The following ATXN7L1 variants were observed in gnomAD, a reference collection of about 807,000 sequenced individuals.
ATXN7L1 encodes the protein ataxin-7-like protein 1.
Under a neutral mutation model 70.8 loss-of-function variants are expected in ATXN7L1, and 15 were observed. The observed-to-expected ratio is 0.21, with a 90% CI of 0.14 to 0.33. The LOEUF (loss-of-function observed/expected upper bound fraction) is 0.33. Among genes scored for constraint, ATXN7L1 ranks in the 10% least tolerant of loss-of-function variants. The pLI is 1.00. For synonymous variants in ATXN7L1, 440 were observed against 445.1 expected, an observed-to-expected ratio of 0.99 and a Z score of 0.14; for missense variants, 975 against 1,097.1, an observed-to-expected ratio of 0.89 and a Z score of 1.57.
chr7:105,761,401 C>G, intron 3 of ATXN7L1: 6 of 1,614,176 alleles, frequency 3.7e-6, no homozygotes, highest in Non-Finnish European at 5.1e-6. Context: ...TTCTCTATGG[C>G]TTGGCTGCTC....
intron 3 of ATXN7L1, among the ~76,000 whole-genome samples, chr7:105,782,029 C>T (rs1803606640): frequency 6.6e-6 from 1 of 152,160 alleles, no homozygotes; most frequent in South Asian, 2.1e-4. Flanking sequence ...GATGGGGTTT[C>T]TCCATGTTGC....
At chr7:105,732,094 A>AAAAAC (rs1025451266) in intron 3 of ATXN7L1, among the ~76,000 whole-genome samples, 9 of 152,076 alleles carry the variant, frequency 5.9e-5, no homozygotes, top group East Asian at 1.9e-4. Flanking sequence ...CTCTGTCTCA[A>AAAAAC]AAAACAAAAC....
At position 105,790,598 on chromosome 7, in the gene ATXN7L1, G is replaced by C. The variant is rs144489865; in HGVS notation, c.251-1890C>G. Among the ~76,000 whole-genome samples, 1,215 of 144,154 alleles carry C rather than the reference G, an allele frequency of 8.4e-3. 2 individuals carry two copies. Among genetic ancestry groups the C allele is most frequent in the Non-Finnish European group, 0.012 (793 of 65,816 alleles). The allele number at this position is 144,154 out of a possible 152,430, so 94.6% of individuals were successfully genotyped here. On this transcript the variant is annotated intron_variant, in intron 2 of 11. Transcript: ENST00000419735. ...CCTGTCTCAGAAAGAAAAAGAAAAA[G>C]AAAAAAATTATCTATCTATCTATCT...
intron 3 of ATXN7L1, among the ~76,000 whole-genome samples, chr7:105,712,424 T>C (rs1794042642): frequency 6.6e-6 from 1 of 152,280 alleles, no homozygotes; most frequent in African/African-American, 2.4e-5. Context: ...TTCCAAACTT[T>C]TATGCTCTGC....
intron 3 of ATXN7L1, among the ~76,000 whole-genome samples, chr7:105,700,213 A>C (rs1199741475): frequency 1.3e-5 from 2 of 152,074 alleles, no homozygotes; most frequent in Non-Finnish European, 2.9e-5. Context: ...GTGCTAGAAA[A>C]TGACAAGGGG....
chr7:105,637,335 C>A (rs758310882), intron 7 of ATXN7L1, among the ~76,000 whole-genome samples: 2 of 152,184 alleles, frequency 1.3e-5, no homozygotes, highest in African/African-American at 4.8e-5. Context: ...CCTTCTTTTA[C>A]GACTATGTCC....
At chr7:105,666,193 A>G (rs967455059) in intron 3 of ATXN7L1, among the ~76,000 whole-genome samples, 11 of 152,206 alleles carry the variant, frequency 7.2e-5, no homozygotes, top group Admixed American at 2.6e-4. Context: ...CACCTGCCCA[A>G]AAACTTTGTA....
intron 2 of ATXN7L1, among the ~76,000 whole-genome samples, chr7:105,821,436 C>G (rs1389466892): frequency 6.6e-6 from 1 of 152,218 alleles, no homozygotes; most frequent in African/African-American, 2.4e-5. Context: ...GCTTTAAGAT[C>G]CTGTGCAGTG....
intron 4 of ATXN7L1, among the ~76,000 whole-genome samples, chr7:105,643,531 C>A (rs561972): frequency 0.042 from 6,411 of 152,330 alleles, 220 homozygotes; most frequent in East Asian, 0.21. Flanking sequence ...ACGCCCCCTC[C>A]CCCCGCTGCT....
intron 7 of ATXN7L1, among the ~76,000 whole-genome samples, chr7:105,634,497 A>G (rs958045728): frequency 2.4e-4 from 36 of 152,162 alleles, no homozygotes; most frequent in African/African-American, 8.4e-4. Flanking sequence ...GTAAACTAGT[A>G]TCTGCCTTTC....
chr7:105,667,876 T>C (rs975969626), intron 3 of ATXN7L1, among the ~76,000 whole-genome samples: 7 of 152,178 alleles, frequency 4.6e-5, no homozygotes, highest in Admixed American at 3.9e-4. Flanking sequence ...TAGCAATTTC[T>C]TTTTCGGCAG....
intron 3 of ATXN7L1, among the ~76,000 whole-genome samples, chr7:105,781,413 T>A (rs529698050): frequency 3.3e-5 from 5 of 152,316 alleles, no homozygotes; most frequent in African/African-American, 1.2e-4. Context: ...ATAAAAAATT[T>A]TTTTCCAGTA....
intron 2 of ATXN7L1, among the ~76,000 whole-genome samples, chr7:105,838,554 A>G (rs1037076991): frequency 2.0e-5 from 3 of 152,120 alleles, no homozygotes; most frequent in African/African-American, 7.2e-5. Flanking sequence ...AATCGGTTAG[A>G]TTCTGTGAAA....
intron 3 of ATXN7L1, among the ~76,000 whole-genome samples, chr7:105,746,939 T>C (rs553223111): frequency 6.6e-6 from 1 of 152,346 alleles, no homozygotes; most frequent in African/African-American, 2.4e-5. Context: ...TTTCACTGTA[T>C]ACCCTTCTGT....
intron 3 of ATXN7L1, among the ~76,000 whole-genome samples, chr7:105,702,077 A>T (rs555949111): frequency 6.6e-6 from 1 of 152,314 alleles, no homozygotes; most frequent in Non-Finnish European, 1.5e-5. Context: ...AGTTTTCCTA[A>T]GCCAGAGTCA....
intron 7 of ATXN7L1, among the ~76,000 whole-genome samples, chr7:105,624,970 G>A (rs1324952756): frequency 1.3e-5 from 2 of 152,204 alleles, no homozygotes; most frequent in African/African-American, 4.8e-5. Context: ...TTGCCATACA[G>A]TTGCTTTCCT....
chr7:105,709,347 ATT>A (rs377542960), intron 3 of ATXN7L1, among the ~76,000 whole-genome samples: 26 of 151,752 alleles, frequency 1.7e-4, no homozygotes, highest in African/African-American at 5.1e-4. Flanking sequence ...AAAAAAAAGA[ATT>A]TTTTTTCTAT....
intron 3 of ATXN7L1, among the ~76,000 whole-genome samples, chr7:105,715,968 A>G (rs1407332924): frequency 1.3e-5 from 2 of 152,152 alleles, no homozygotes; most frequent in Non-Finnish European, 2.9e-5. Context: ...ATAGGCAAAG[A>G]AAAGGAACCC....
chr7:105,659,906 G>T (rs1801318529), intron 4 of ATXN7L1, among the ~76,000 whole-genome samples: 1 of 151,246 alleles, frequency 6.6e-6, no homozygotes, highest in South Asian at 2.1e-4. Flanking sequence ...GAGACGTGTA[G>T]ATATTTCTTA....
Sources: allele counts gnomAD v4.1 joint callset (sites outside exome capture counted in the v4.1 genomes callset), GRCh38; gene constraint gnomAD v4.1.1; transcripts MANE v1.5; gene names NCBI Gene and HGNC (gene_info 2026-07-23, HGNC 2026-07-21).